Variants in HEXB observed in about 807,000 individuals in gnomAD.
HEXB encodes the protein beta-hexosaminidase subunit beta.
In HEXB, 51 loss-of-function variants were observed where a neutral mutation model predicts 71.2. The ratio of observed to expected loss-of-function variants is 0.72; its 90% confidence interval spans 0.57 to 0.90. HEXB has a LOEUF of 0.90. Among genes scored for constraint, HEXB ranks in the 40% least tolerant of loss-of-function variants. The probability of loss-of-function intolerance (pLI) is 0.00; values close to 1 mark genes in which losing one functional copy is unlikely to be tolerated. For synonymous variants in HEXB, 266 were observed against 249.3 expected (o/e 1.07, Z -0.63); for missense variants, 617 against 677.0 (o/e 0.91, Z 0.98).
intron 7 of HEXB, among the ~76,000 whole-genome samples, chr5:74,715,289 T>C (rs1215186962): frequency 6.6e-6 from 1 of 152,200 alleles, no homozygotes; most frequent in African/African-American, 2.4e-5. Context: ...ACATTTGACA[T>C]AGATAAAATC....
chr5:74,690,757 C>CAGTTAAGTA (rs1748984845), intron 2 of HEXB, among the ~76,000 whole-genome samples: 2 of 148,704 alleles, frequency 1.3e-5, no homozygotes, highest in African/African-American at 5.0e-5. Context: ...GACTGCCTCA[C>CAGTTAAGTA]AGTTAAGTAC....
At chr5:74,711,132 A>G (rs1048547167) in intron 6 of HEXB, among the ~76,000 whole-genome samples, 15 of 151,460 alleles carry the variant, frequency 9.9e-5, no homozygotes, top group South Asian at 8.4e-4. Flanking sequence ...ATAACGCTGC[A>G]TATCTACAAC....
At chr5:74,691,828 A>G (rs777901642) in intron 2 of HEXB, among the ~76,000 whole-genome samples, 4 of 152,214 alleles carry the variant, frequency 2.6e-5, no homozygotes, top group Non-Finnish European at 5.9e-5. Context: ...AAATGTATTT[A>G]TGGTGCAAAA....
At chr5:74,643,378 T>C (rs759890838) in intron 1 of HEXB, among the ~76,000 whole-genome samples, 1 of 152,188 alleles carries the variant, frequency 6.6e-6, no homozygotes, top group Non-Finnish European at 1.5e-5. Context: ...TAAACAGGGC[T>C]GTCATCAAAA....
intron 1 of HEXB, among the ~76,000 whole-genome samples, chr5:74,673,338 G>A (rs113794759): frequency 0.011 from 1,718 of 152,256 alleles, 31 homozygotes; most frequent in African/African-American, 0.039. Context: ...CAAATATTTC[G>A]GGTTGCTTAT....
At chr5:74,653,864 G>A (rs778640565) in intron 1 of HEXB, among the ~76,000 whole-genome samples, 14 of 152,040 alleles carry the variant, frequency 9.2e-5, no homozygotes, top group Admixed American at 2.6e-4. Flanking sequence ...TATAGAGGTC[G>A]ATAGGTCACA....
At chr5:74,708,661 C>G (rs564492436) in intron 6 of HEXB, among the ~76,000 whole-genome samples, 5 of 151,916 alleles carry the variant, frequency 3.3e-5, no homozygotes, top group African/African-American at 1.2e-4. Context: ...ATAAAACAGA[C>G]TTTTAAACCA....
At chr5:74,660,458 T>A (rs887376421) in intron 1 of HEXB, among the ~76,000 whole-genome samples, 3 of 152,188 alleles carry the variant, frequency 2.0e-5, no homozygotes, top group African/African-American at 7.2e-5. Flanking sequence ...TCTTCCTGCT[T>A]CAAACATAGG....
At chr5:74,682,102 C>A (rs1001705456), upstream of HEXB, among the ~76,000 whole-genome samples, 7 of 152,202 alleles carry the variant, frequency 4.6e-5, no homozygotes, top group African/African-American at 1.4e-4. Context: ...CTCACGCCTG[C>A]AATCCCAGCA....
At position 74,718,861 on chromosome 5, in the gene HEXB, TCA is replaced by T. The variant is rs761240717; in HGVS notation, c.1310_1311del (p.Thr437SerfsTer18). On this transcript the variant is annotated frameshift_variant, in exon 11 of 14. Transcript: ENST00000261416. LOFTEE classifies it high-confidence loss of function. ...GCATATCCTGAGGAACTCAGTAGAG[TCA>T]CAGCATCTGGCTTCCCTGTAATCCT... 5.6e-6 allele frequency: 9 copies of T among 1,613,954 alleles called. No individual in the cohort carries two copies. In the Admixed American group the frequency reaches 1.5e-4, roughly 27 times the overall value.
At position 74,720,751 on chromosome 5, in the gene HEXB, AGAAATC is replaced by A. The variant is rs773370155; in HGVS notation, c.1613+5_1613+10del. Reference sequence around the variant, plus strand: ...GGCACCGCTGCAGGATGGTCGAGTAAGAAATCTATTAAGTCCAGTGTGATTTTTAAC... The same window carrying A: ...GGCACCGCTGCAGGATGGTCGAGTAATATTAAGTCCAGTGTGATTTTTAAC... On this transcript the variant is annotated splice_donor_5th_base_variant and intron_variant, in intron 13 of 13. Coordinates refer to ENST00000261416, the MANE Select transcript of HEXB (RefSeq NM_000521.4). The A allele has an allele frequency of 4.4e-6, 7 of 1,606,094 alleles. No individual in the cohort carries two copies. The African/African-American group carries it at 9.3e-5, about 21-fold the overall frequency.
At chr5:74,653,134 C>T (rs1382725666) in intron 1 of HEXB, among the ~76,000 whole-genome samples, 1 of 152,214 alleles carries the variant, frequency 6.6e-6, no homozygotes, top group Non-Finnish European at 1.5e-5. Flanking sequence ...TGGTTACACA[C>T]ACATGCAGAG....
chr5:74,699,387 G>C, intron 5 of HEXB, among the ~76,000 whole-genome samples: 1 of 150,958 alleles, frequency 6.6e-6, no homozygotes, highest in Non-Finnish European at 1.5e-5. Context: ...CAATTCTCTT[G>C]CCTCTGTCTC....
In HEXB at chr5:74,718,917, A is replaced by G. The variant is rs780702079; in HGVS notation, c.1363A>G (p.Ser455Gly). 1.9e-6 allele frequency: 3 copies of G among 1,614,132 alleles called. No homozygotes were observed. The highest frequency in any genetic ancestry group is 2.2e-5 in the South Asian group (2 of 91,088). The change falls in exon 11 of 14, where the codon AGC becomes GGC. Residue 455 changes from serine (S) to glycine (G), a missense_variant. By Grantham distance (56) the Ser-to-Gly change is moderately conservative (BLOSUM62 0). Transcript: ENST00000261416. ...TGCTCCTTGGTACTTAGATTTGATTAGCTATGGACAAGATTGGAGGAAATA... is the reference window on the plus strand; with the variant it reads ...TGCTCCTTGGTACTTAGATTTGATTGGCTATGGACAAGATTGGAGGAAATA... The part of the protein sequence containing the change: ...LSAPWYLDLI[S>G]YGQDWRKYYK...
intron 1 of HEXB, among the ~76,000 whole-genome samples, chr5:74,666,537 G>A (rs61494324): frequency 6.6e-6 from 1 of 152,246 alleles, no homozygotes; most frequent in African/African-American, 2.4e-5. Context: ...GTTCAGCAGG[G>A]GCAGGTGCCG....
At chr5:74,644,000 A>G (rs1747955439) in intron 1 of HEXB, among the ~76,000 whole-genome samples, 1 of 152,260 alleles carries the variant, frequency 6.6e-6, no homozygotes, top group Non-Finnish European at 1.5e-5. Context: ...TCCTGGAGAC[A>G]GAGTGTGGCA....
In HEXB at chr5:74,718,819, A is replaced by T. The variant is rs757550590; in HGVS notation, c.1265A>T (p.Glu422Val). ...KAKLAPGTIV[E>V]VWKDSAYPEE... Reference sequence around the variant, plus strand: ...TAGCTTGCGCCGGGCACAATAGTTGAAGTATGGAAAGACAGCGCATATCCT... The same window carrying T: ...TAGCTTGCGCCGGGCACAATAGTTGTAGTATGGAAAGACAGCGCATATCCT... Residue 422 changes from glutamate (E) to valine (V), a missense_variant, in exon 11 of 14, where the codon GAA (glutamate) becomes GTA (valine). Transcript: ENST00000261416. 1 of 1,614,136 alleles carries T rather than the reference A, an allele frequency of 6.2e-7. No homozygotes were observed. Among genetic ancestry groups the T allele is most frequent in the Admixed American group, 1.7e-5 (1 of 60,026 alleles).
intron 5 of HEXB, among the ~76,000 whole-genome samples, chr5:74,701,573 G>C (rs1485442895): frequency 6.6e-6 from 1 of 151,824 alleles, no homozygotes; most frequent in Non-Finnish European, 1.5e-5. Context: ...ATCTTCTTGG[G>C]CCAGTACATG....
intron 2 of HEXB, among the ~76,000 whole-genome samples, chr5:74,690,048 T>C (rs997362898): frequency 6.6e-6 from 1 of 152,202 alleles, no homozygotes; most frequent in Non-Finnish European, 1.5e-5. Flanking sequence ...ATGATCTCTA[T>C]TTATAATCTA....
Sources: gnomAD v4.1 joint callset for allele counts (sites outside exome capture counted in the v4.1 genomes callset) on GRCh38, gnomAD v4.1.1 for gene constraint, MANE v1.5 for transcripts, NCBI Gene and HGNC (gene_info 2026-07-23, HGNC 2026-07-21) for gene names.